NBEA: variants seen among roughly 807,000 people sequenced by gnomAD.
NBEA encodes the protein neurobeachin.
A neutral mutation model predicts 343.4 loss-of-function variants in NBEA; 44 were observed. That is an observed-to-expected ratio of 0.13 (90% CI 0.10 to 0.16). NBEA has a LOEUF of 0.16. Ranked by LOEUF, NBEA falls within the 10% of genes least tolerant of loss-of-function variation. NBEA has a pLI of 1.00. For missense variants in NBEA, 2,555 were observed against 3,631.3 expected, an observed-to-expected ratio of 0.70 and a Z score of 7.62; for synonymous variants, 1,175 against 1,238.7, an observed-to-expected ratio of 0.95 and a Z score of 1.08.
intron 10 of NBEA, among the ~76,000 whole-genome samples, chr13:35,097,356 T>A (rs2065389417): frequency 6.6e-6 from 1 of 151,940 alleles, no homozygotes; most frequent in Non-Finnish European, 1.5e-5. Flanking sequence ...GGTTTTACCC[T>A]TTCTTATGAA....
At chr13:35,657,578 G>A (rs2153083089) in intron 55 of NBEA, among the ~76,000 whole-genome samples, 1 of 152,076 alleles carries the variant, frequency 6.6e-6, no homozygotes, top group East Asian at 1.9e-4. Context: ...TACCAGCGAT[G>A]GCTTTATTAT....
chr13:35,082,727 T>A (rs2064487021), intron 10 of NBEA, among the ~76,000 whole-genome samples: 1 of 152,206 alleles, frequency 6.6e-6, no homozygotes, highest in Non-Finnish European at 1.5e-5. Context: ...TTTTCAGAAG[T>A]GTCTGTTCAT....
chr13:35,228,385 T>A (rs915201996), intron 33 of NBEA, among the ~76,000 whole-genome samples: 1 of 152,082 alleles, frequency 6.6e-6, no homozygotes, highest in Non-Finnish European at 1.5e-5. Context: ...TTTTTTTTTT[T>A]TTATTTGTGT....
Position 35,438,521 on chromosome 13 carries a change from C to G in NBEA, c.6304+6128C>G, listed in dbSNP as rs558935048. On this transcript the variant is annotated intron_variant, in intron 39 of 58. Coordinates refer to ENST00000379939, the MANE Select transcript of NBEA (RefSeq NM_001385012.1). ...GAGAGATGACTTGATTTTGTAAAACCTAATAACCTATTGGTTGTATTATGT... is the reference window on the plus strand; with the variant it reads ...GAGAGATGACTTGATTTTGTAAAACGTAATAACCTATTGGTTGTATTATGT... Among the ~76,000 whole-genome samples the G allele has an allele frequency of 5.3e-5, 8 of 152,304 alleles. No homozygotes were observed. In the South Asian group the frequency reaches 1.2e-3, roughly 24 times the overall value.
chr13:35,298,209 G>GTATA (rs1462332460), intron 35 of NBEA, among the ~76,000 whole-genome samples: 59 of 60,802 alleles, frequency 9.7e-4, no homozygotes, highest in African/African-American at 2.2e-3. Context: ...GTGTGTGTGT[G>GTATA]TGTATATATA....
At chr13:35,639,017 A>G (rs1343687096) in intron 49 of NBEA, among the ~76,000 whole-genome samples, 2 of 152,182 alleles carry the variant, frequency 1.3e-5, no homozygotes, top group African/African-American at 4.8e-5. Context: ...ACAAATCAGA[A>G]TCTCTCTCTC....
At chr13:35,082,919 T>G (rs996554424) in intron 10 of NBEA, among the ~76,000 whole-genome samples, 2 of 152,186 alleles carry the variant, frequency 1.3e-5, no homozygotes, top group Non-Finnish European at 2.9e-5. Flanking sequence ...GCTCTTTAGT[T>G]TAATTAGATC....
chr13:35,574,193 T>C (rs1354766250), intron 45 of NBEA, among the ~76,000 whole-genome samples: 2 of 151,854 alleles, frequency 1.3e-5, no homozygotes, highest in African/African-American at 4.8e-5. Flanking sequence ...TTTCTTGCTT[T>C]ACCCTCACAA....
intron 38 of NBEA, among the ~76,000 whole-genome samples, chr13:35,368,030 T>C (rs2041223556): frequency 6.6e-6 from 1 of 151,562 alleles, no homozygotes; most frequent in Non-Finnish European, 1.5e-5. Context: ...GGCAGAGTTA[T>C]GTGAATATCG....
chr13:35,429,927 T>C (rs1023059470), intron 38 of NBEA, among the ~76,000 whole-genome samples: 6 of 152,188 alleles, frequency 3.9e-5, no homozygotes, highest in African/African-American at 1.2e-4. Context: ...TAAACATGCA[T>C]GTGCAAGTTT....
chr13:35,552,910 A>G (rs1348568461), intron 43 of NBEA, among the ~76,000 whole-genome samples: 1 of 150,734 alleles, frequency 6.6e-6, no homozygotes, highest in African/African-American at 2.4e-5. Context: ...TTTTTCTTTG[A>G]GACAAGGTCT....
At chr13:35,048,459 T>C (rs1463165787) in intron 4 of NBEA, 104 bp from the exon 5 acceptor site, 6 of 1,072,400 alleles carry the variant, frequency 5.6e-6, no homozygotes, top group Admixed American at 5.8e-5. Flanking sequence ...TTTTCTGGTA[T>C]TTATACTTTG....
At chr13:35,016,223 A>G (rs529347017) in intron 1 of NBEA, among the ~76,000 whole-genome samples, 1 of 152,124 alleles carries the variant, frequency 6.6e-6, no homozygotes, top group South Asian at 2.1e-4. Context: ...TTTTTGCCAT[A>G]TGTGTATGTG....
intron 36 of NBEA, among the ~76,000 whole-genome samples, chr13:35,320,047 A>T (rs187724288): frequency 1.1e-3 from 171 of 152,168 alleles, no homozygotes; most frequent in African/African-American, 3.9e-3. Flanking sequence ...CTCTTTATCA[A>T]CTTTGCCAGT....
At position 35,349,070 on chromosome 13, in the gene NBEA, A is replaced by G. The variant is rs191320911; in HGVS notation, c.5904-38A>G. 3.9e-5 allele frequency: 47 copies of G among 1,209,688 alleles called. No individual in the cohort carries two copies. The East Asian group carries it at 6.4e-4, about 16-fold the overall frequency. The allele number at this position is 1,209,688 out of a possible 1,614,324, so 74.9% of individuals were successfully genotyped here. A position where few individuals can be genotyped will look rare whatever the true frequency, so the allele number is the denominator to read the frequency against. On this transcript the variant is annotated intron_variant, in intron 36 of 58. Coordinates refer to ENST00000379939, the MANE Select transcript of NBEA (RefSeq NM_001385012.1). The stretch of plus-strand genomic sequence containing the variant: ...GAAAAAAATTGGACTGACCAAAGCT[A>G]TTAAGAATAATATTTCTAAAGGTAT...
chr13:35,503,419 A>G (rs1434600849), intron 41 of NBEA, among the ~76,000 whole-genome samples: 21 of 151,932 alleles, frequency 1.4e-4, no homozygotes, highest in Admixed American at 1.4e-3. Flanking sequence ...CAAAAATATA[A>G]TATGAACATA....
At chr13:35,366,228 A>T (rs545195224) in intron 38 of NBEA, among the ~76,000 whole-genome samples, 3 of 151,670 alleles carry the variant, frequency 2.0e-5, no homozygotes, top group African/African-American at 7.2e-5. Flanking sequence ...TCAAAATGTA[A>T]TGATTGTTTC....
At chr13:35,379,825 C>T (rs1025009613) in intron 38 of NBEA, among the ~76,000 whole-genome samples, 1 of 151,522 alleles carries the variant, frequency 6.6e-6, no homozygotes, top group Non-Finnish European at 1.5e-5. Flanking sequence ...TTCTTTTGGT[C>T]AGTTTGTCTA....
rs554213209 is a variant in NBEA at position 34,987,026 on chromosome 13, T to G, written c.294+43912T>G. Among the ~76,000 whole-genome samples, 3 of 151,078 alleles carry G rather than the reference T, an allele frequency of 2.0e-5. 1 individual carries two copies. In the South Asian group the frequency reaches 6.3e-4, roughly 32 times the overall value. ...TCCATTTACATTTAAGGTTAATATT[T>G]TTATGTGAATCTGATCCTGTCATTA... On this transcript the variant is annotated intron_variant, in intron 1 of 58. Transcript: ENST00000379939.
Sources: allele counts gnomAD v4.1 joint callset (sites outside exome capture counted in the v4.1 genomes callset), GRCh38; gene constraint gnomAD v4.1.1; transcripts MANE v1.5; gene names NCBI Gene and HGNC (gene_info 2026-07-23, HGNC 2026-07-21).